The following EGFR variants were observed in gnomAD, a reference collection of about 807,000 sequenced individuals.
The protein encoded by EGFR is avian erythroblastic leukemia viral (v-erb-b) oncogene homolog.
Under a neutral mutation model 143.0 loss-of-function variants are expected in EGFR, and 58 were observed. The observed-to-expected ratio is 0.41, with a 90% confidence interval of 0.33 to 0.50. The LOEUF (loss-of-function observed/expected upper bound fraction) is 0.50, where lower values mean the gene tolerates loss of function less well. EGFR is among the 20% of genes least tolerant of loss of function. The pLI is 0.39. For missense variants in EGFR, 1,307 were observed against 1,579.0 expected (o/e 0.83, Z 2.92); for synonymous variants, 613 against 594.4 (o/e 1.03, Z -0.45).
chr7:55,090,561 G>A (rs1007436802), intron 1 of EGFR, among the ~76,000 whole-genome samples: 31 of 152,142 alleles, frequency 2.0e-4, no homozygotes, highest in African/African-American at 7.5e-4. Context: ...TAAAAGGGTA[G>A]AAAGCACATG....
chr7:55,118,008 C>T (rs1276912052), intron 1 of EGFR, among the ~76,000 whole-genome samples: 1 of 152,214 alleles, frequency 6.6e-6, no homozygotes. Flanking sequence ...ACCACTCAGA[C>T]TCGGCGTGTC....
At chr7:55,022,614 G>T (rs767379501) in intron 1 of EGFR, among the ~76,000 whole-genome samples, 9 of 152,120 alleles carry the variant, frequency 5.9e-5, no homozygotes, top group African/African-American at 1.4e-4. Flanking sequence ...TTGAAGGGGG[G>T]GTGAGTTTTA....
intron 1 of EGFR, among the ~76,000 whole-genome samples, chr7:55,045,730 A>G (rs1409552495): frequency 6.6e-6 from 1 of 152,240 alleles, no homozygotes; most frequent in Non-Finnish European, 1.5e-5. Context: ...AGTGCCTGGC[A>G]TCCAGGAAGT....
At chr7:55,147,188 G>A (rs1794811671) in intron 4 of EGFR, among the ~76,000 whole-genome samples, 1 of 152,228 alleles carries the variant, frequency 6.6e-6, no homozygotes, top group Non-Finnish European at 1.5e-5. Context: ...CACACACACA[G>A]CTGGGCACTG....
Position 55,174,039 on chromosome 7 carries a change from A to G in EGFR, c.2180A>G (p.Tyr727Cys), listed in dbSNP as rs138240620. The G allele has an allele frequency of 1.7e-5, 28 of 1,614,200 alleles. No individual in the cohort carries two copies. The African/African-American group carries it at 2.4e-4, about 14-fold the overall frequency. The change falls in exon 18 of 28, where the codon TAT (tyrosine) becomes TGT (cysteine). Residue 727 changes from tyrosine (Y) to cysteine (C), a missense_variant. By Grantham distance (194) the Tyr-to-Cys change is radical. Coordinates refer to ENST00000275493, the MANE Select transcript of EGFR (RefSeq NM_005228.5). The part of the protein sequence containing the change: ...VLGSGAFGTV[Y>C]KGLWIPEGEK... ...GGCTCCGGTGCGTTCGGCACGGTGT[A>G]TAAGGTAAGGTCCCTGGCACAGGCC...
chr7:55,108,294 A>G (rs1459275602), intron 1 of EGFR, among the ~76,000 whole-genome samples: 1 of 152,238 alleles, frequency 6.6e-6, no homozygotes. Flanking sequence ...CATGTTCGGA[A>G]CTGTCCATGT....
At chr7:55,165,464 A>T (rs1353744127) in intron 15 of EGFR, 27 bp downstream of exon 15, 3 of 1,581,082 alleles carry the variant, frequency 1.9e-6, no homozygotes, top group Non-Finnish European at 1.7e-6. Flanking sequence ...GGAGAACAGA[A>T]CATTTCCTCT....
At chr7:55,200,518 C>A (rs1052696395) in intron 24 of EGFR, 105 bp downstream of exon 24, 1 of 1,171,058 alleles carries the variant, frequency 8.5e-7, no homozygotes. Context: ...TGTCCCAGAT[C>A]GCATTATTAA....
chr7:55,201,134 A>G (rs1260546160), intron 24 of EGFR, 54 bp from the exon 25 acceptor site: 4 of 1,612,232 alleles, frequency 2.5e-6, no homozygotes, highest in Non-Finnish European at 2.5e-6. Flanking sequence ...ATAGCCAAGA[A>G]GTGGAATAGC....
intron 1 of EGFR, among the ~76,000 whole-genome samples, chr7:55,132,873 C>G (rs889444024): frequency 3.3e-5 from 5 of 152,188 alleles, no homozygotes; most frequent in African/African-American, 1.2e-4. Flanking sequence ...GAACAAGCAA[C>G]TTTGGTGCCT....
rs17336940 is a variant in EGFR at position 55,165,771 on chromosome 7, G to A, written c.1880+334G>A. On this transcript the variant is annotated intron_variant, in intron 15 of 27. Transcript: ENST00000275493. ...TTGCGTTTCTCTCCAGATTTCTAAG[G>A]TTAACATGGGGATTAGCTGTTTTGC... Among the ~76,000 whole-genome samples, 1,199 of 152,344 alleles carry A rather than the reference G, an allele frequency of 7.9e-3. 15 individuals carry two copies. Among genetic ancestry groups the A allele is most frequent in the African/African-American group, 0.027 (1,139 of 41,580 alleles).
intron 1 of EGFR, among the ~76,000 whole-genome samples, chr7:55,075,371 T>A (rs570833784): frequency 2.0e-5 from 3 of 152,328 alleles, no homozygotes; most frequent in African/African-American, 4.8e-5. Flanking sequence ...GTGACCAACA[T>A]GACAGAATTT....
At chr7:55,020,593 C>CACACACACACA (rs71014676) in intron 1 of EGFR, among the ~76,000 whole-genome samples, 2 of 151,448 alleles carry the variant, frequency 1.3e-5, no homozygotes, top group South Asian at 2.1e-4. Context: ...CACACACACA[C>CACACACACACA]CGGATTGCTG....
At chr7:55,095,721 G>GACACAC (rs35578833) in intron 1 of EGFR, among the ~76,000 whole-genome samples, 4 of 148,670 alleles carry the variant, frequency 2.7e-5, no homozygotes, top group Non-Finnish European at 4.5e-5. Flanking sequence ...GATACACACA[G>GACACAC]ACACACACAC....
chr7:55,046,589 A>G (rs1788190449), intron 1 of EGFR, among the ~76,000 whole-genome samples: 1 of 74,824 alleles, frequency 1.3e-5, no homozygotes, highest in Non-Finnish European at 2.9e-5. Flanking sequence ...TGTTCTTGGA[A>G]AAAAAAAAAA....
Position 55,146,850 on chromosome 7 carries a change from C to T in EGFR, c.559+110C>T, listed in dbSNP as rs865881785. ...TTTAGTAAGTCACATTAATCAGAAACAAAAAGTAGTAAGCAAAATATCTGA... is the reference window on the plus strand; with the variant it reads ...TTTAGTAAGTCACATTAATCAGAAATAAAAAGTAGTAAGCAAAATATCTGA... On this transcript the variant is annotated intron_variant, in intron 4 of 27. Coordinates refer to ENST00000275493, the MANE Select transcript of EGFR (RefSeq NM_005228.5). 18 of 1,463,498 alleles carry T rather than the reference C, an allele frequency of 1.2e-5. No individual in the cohort carries two copies. The Middle Eastern group carries it at 2.9e-3, about 239-fold the overall frequency. 90.7% of individuals were successfully genotyped at this position (1,463,498 alleles called of 1,614,324 possible).
chr7:55,170,359 T>A (rs2128950515), intron 15 of EGFR: 1 of 1,614,188 alleles, frequency 6.2e-7, no homozygotes, highest in East Asian at 2.2e-5. Context: ...TAAACTATCA[T>A]CCTGTAATCA....
Position 55,019,212 on chromosome 7 carries a change from G to T in EGFR, c.-66G>T. 2.3e-6 allele frequency: 3 copies of T among 1,293,934 alleles called. No homozygotes were observed. Among genetic ancestry groups the T allele is most frequent in the South Asian group, 1.4e-5 (1 of 72,608 alleles). The allele number at this position is 1,293,934 out of a possible 1,614,324, so 80.2% of individuals were successfully genotyped here. On this transcript the variant is annotated 5_prime_UTR_variant, in exon 1 of 28. Transcript: ENST00000275493. ...TCGCCGCCAACGCCACAACCACCGC[G>T]CACGGCCCCCTGACTCCGTCCAGTA...
At position 55,170,328 on chromosome 7, in the gene EGFR, A is replaced by G; in HGVS notation, c.1881-847A>G. 3 of 1,614,188 alleles carry G rather than the reference A, an allele frequency of 1.9e-6. No homozygotes were observed. In the South Asian group the frequency reaches 3.3e-5, roughly 18 times the overall value. ...CCAGGCCAGGAAATGAGAGTCTCAAAGCCATGTTATTCTGCCTTTTTAAAC... is the reference window on the plus strand; with the variant it reads ...CCAGGCCAGGAAATGAGAGTCTCAAGGCCATGTTATTCTGCCTTTTTAAAC... On this transcript the variant is annotated intron_variant, in intron 15 of 27. Coordinates refer to ENST00000275493, the MANE Select transcript of EGFR (RefSeq NM_005228.5).
Sources: gnomAD v4.1 joint callset for allele counts (sites outside exome capture counted in the v4.1 genomes callset) on GRCh38, gnomAD v4.1.1 for gene constraint, MANE v1.5 for transcripts, NCBI Gene and HGNC (gene_info 2026-07-23, HGNC 2026-07-21) for gene names.